TENM1: variants seen among roughly 807,000 people sequenced by gnomAD.
TENM1 encodes teneurin-1.
Under a neutral mutation model 174.8 loss-of-function variants are expected in TENM1, and 35 were observed. That is an observed-to-expected ratio of 0.20 (90% CI 0.15 to 0.27). The LOEUF (loss-of-function observed/expected upper bound fraction) is 0.27, where lower values mean the gene tolerates loss of function less well. TENM1 is among the 10% of genes least tolerant of loss of function. The pLI, the probability that TENM1 is intolerant of heterozygous loss-of-function variation, is 1.00. For missense variants in TENM1, 1,633 were observed against 2,130.1 expected (o/e 0.77, Z 4.59); for synonymous variants, 781 against 798.7 (o/e 0.98, Z 0.37).
At chrX:124,848,728 TA>T (rs757634703) in intron 3 of TENM1, among the ~76,000 whole-genome samples, 127 of 109,121 alleles carry the variant, frequency 1.2e-3, no homozygotes, top group Middle Eastern at 4.8e-3. Flanking sequence ...TCACACATAG[TA>T]AAAAAAAATC....
chrX:124,406,522 G>A (rs779767062), intron 25 of TENM1, 33 bp from the exon 29 acceptor site: 20 of 1,057,399 alleles, frequency 1.9e-5, no homozygotes, highest in Admixed American at 1.3e-4. Context: ...GCTTTGAAGC[G>A]TCTCGGCAGT....
intron 19 of TENM1, among the ~76,000 whole-genome samples, chrX:124,501,329 G>T (rs1470893170): frequency 1.8e-5 from 2 of 111,355 alleles, no homozygotes; most frequent in Non-Finnish European, 3.8e-5. Flanking sequence ...TTATATATCA[G>T]GCCTAATATT....
chrX:125,048,243 ATTTTTT>A, the TENM1 span, among the ~76,000 whole-genome samples: 2 of 64,214 alleles, frequency 3.1e-5, no homozygotes, highest in Non-Finnish European at 5.6e-5. Flanking sequence ...GTTTCGAAGC[ATTTTTT>A]TTTTTTTTTT....
chrX:125,030,494 T>C, the TENM1 span, among the ~76,000 whole-genome samples: 1 of 112,454 alleles, frequency 8.9e-6, no homozygotes, highest in Non-Finnish European at 1.9e-5. Context: ...TTATATTCTA[T>C]AGTTTGTTAA....
the TENM1 span, among the ~76,000 whole-genome samples, chrX:125,040,705 T>G: frequency 1.4e-3 from 157 of 111,393 alleles, no homozygotes; most frequent in South Asian, 0.012. Context: ...TTGGATCCAG[T>G]GTTTCAGTGC....
At chrX:125,125,781 T>G in the TENM1 span, among the ~76,000 whole-genome samples, 2 of 112,155 alleles carry the variant, frequency 1.8e-5, no homozygotes, top group Admixed American at 9.5e-5. Flanking sequence ...AGTTAGTAAC[T>G]TAGTGGTATA....
the TENM1 span, among the ~76,000 whole-genome samples, chrX:124,971,270 C>G: frequency 2.7e-5 from 3 of 110,795 alleles, no homozygotes; most frequent in Admixed American, 2.9e-4. Flanking sequence ...ATGTACCCTA[C>G]AACTTAAAGT....
intron 15 of TENM1, among the ~76,000 whole-genome samples, chrX:124,541,096 G>A (rs1052223739): frequency 8.9e-6 from 1 of 112,017 alleles, no homozygotes; most frequent in Admixed American, 9.5e-5. Context: ...TTGTTTCTCT[G>A]CTATTTGGAG....
chrX:124,883,271 T>G (rs1005241507), intron 3 of TENM1, among the ~76,000 whole-genome samples: 1 of 112,148 alleles, frequency 8.9e-6, no homozygotes, highest in African/African-American at 3.2e-5. Flanking sequence ...AAATTTTTGC[T>G]TTGCTTCTGG....
the TENM1 span, among the ~76,000 whole-genome samples, chrX:125,050,534 G>A: frequency 1.8e-5 from 2 of 111,627 alleles, no homozygotes; most frequent in Admixed American, 9.5e-5. Flanking sequence ...GTGTATATGC[G>A]CCACATTTTC....
the TENM1 span, among the ~76,000 whole-genome samples, chrX:125,162,650 C>G: frequency 8.9e-6 from 1 of 111,874 alleles, no homozygotes; most frequent in Non-Finnish European, 1.9e-5. Context: ...CACCTCAAGT[C>G]TTTTGTTCAA....
At chrX:124,928,628 T>C (rs1277393727) in intron 1 of TENM1, among the ~76,000 whole-genome samples, 1 of 112,325 alleles carries the variant, frequency 8.9e-6, no homozygotes, top group Non-Finnish European at 1.9e-5. Flanking sequence ...TGAACTTAGA[T>C]CTTTTTAACA....
At chrX:124,422,387 G>A (rs371785558) in exon 24 of TENM1, 8 of 1,209,425 alleles carry the variant, frequency 6.6e-6, no homozygotes, top group East Asian at 3.0e-5. Context: ...CTTTCCTCTC[G>A]TCTGTTTCAG....
Position 124,498,932 on chromosome X carries a change from C to T in TENM1, c.3446-1667G>A, listed in dbSNP as rs187715893. ...TGTTGAAAATAGGCTTTGAGTTTCT[C>T]GTAGTTTCCTTGTCTAAATTCCAAT... On this transcript the variant is annotated intron_variant, in intron 19 of 31. Transcript: ENST00000422452. Among the ~76,000 whole-genome samples the T allele has an allele frequency of 5.4e-5, 6 of 111,035 alleles. No homozygotes were observed. In the East Asian group the frequency reaches 8.6e-4, roughly 16 times the overall value.
chrX:124,862,352 C>T (rs2056927435), intron 3 of TENM1, among the ~76,000 whole-genome samples: 1 of 111,460 alleles, frequency 9.0e-6, no homozygotes, highest in South Asian at 3.8e-4. Flanking sequence ...TTGCTGAAAG[C>T]GGCACTGAAG....
At chrX:124,836,796 C>T (rs2056400395) in intron 3 of TENM1, among the ~76,000 whole-genome samples, 1 of 112,343 alleles carries the variant, frequency 8.9e-6, no homozygotes, top group South Asian at 3.7e-4. Context: ...AAACAAACAG[C>T]CTCCACATCA....
chrX:124,448,182 G>T (rs1569532175), intron 23 of TENM1, among the ~76,000 whole-genome samples: 1 of 111,820 alleles, frequency 8.9e-6, no homozygotes, highest in Non-Finnish European at 1.9e-5. Flanking sequence ...GAGATTTTAG[G>T]TTCAGCCATT....
At position 124,741,971 on chromosome X, in the gene TENM1, C is replaced by A. The variant is rs773087581; in HGVS notation, c.536-4774G>T. 3.6e-5 allele frequency among the ~76,000 whole-genome samples: 4 copies of A among 112,171 alleles called. No homozygotes were observed. In the East Asian group the frequency reaches 1.1e-3, roughly 31 times the overall value. ...AAGGAAAAAATTAACCTTTATAAAACGAGCACTGTAGCAGCACTGGCTGTA... is the reference window on the plus strand; with the variant it reads ...AAGGAAAAAATTAACCTTTATAAAAAGAGCACTGTAGCAGCACTGGCTGTA... On this transcript the variant is annotated intron_variant, in intron 3 of 31. Transcript: ENST00000422452.
the TENM1 span, among the ~76,000 whole-genome samples, chrX:125,162,316 C>T: frequency 8.9e-6 from 1 of 112,271 alleles, no homozygotes; most frequent in African/African-American, 3.2e-5. Context: ...TACTTTATCA[C>T]TATAGCTTCT....
Sources: gnomAD v4.1 joint callset for allele counts (sites outside exome capture counted in the v4.1 genomes callset) on GRCh38, gnomAD v4.1.1 for gene constraint, MANE v1.5 for transcripts, NCBI Gene and HGNC (gene_info 2026-07-23, HGNC 2026-07-21) for gene names.